The following LRTM1 variants were observed in gnomAD, a reference collection of about 807,000 sequenced individuals.
The protein encoded by LRTM1 is leucine rich repeat transmembrane protein 1, also known as leucine-rich repeat and transmembrane domain-containing protein 1.
LRTM1 carries 38 observed loss-of-function variants against 32.4 expected under a neutral mutation model. The ratio of observed to expected loss-of-function variants is 1.17; its 90% CI spans 0.91 to 1.54. The LOEUF (loss-of-function observed/expected upper bound fraction) is 1.54. Ranked by LOEUF, LRTM1 falls within the 40% of genes most tolerant of loss-of-function variation. The probability of loss-of-function intolerance (pLI) is 0.00; values close to 1 mark genes in which losing one functional copy is unlikely to be tolerated. For missense variants in LRTM1, 466 were observed against 415.4 expected (o/e 1.12, Z -1.06); for synonymous variants, 186 against 169.9 (o/e 1.09, Z -0.74).
At chr3:54,956,010 A>G (rs1397052422) in intron 1 of LRTM1, among the ~76,000 whole-genome samples, 2 of 152,152 alleles carry the variant, frequency 1.3e-5, no homozygotes, top group African/African-American at 4.8e-5. Flanking sequence ...AATGAGAGGG[A>G]AAAAAGTGCG....
intron 1 of LRTM1, among the ~76,000 whole-genome samples, chr3:54,936,851 A>T (rs753328354): frequency 6.6e-6 from 1 of 152,168 alleles, no homozygotes; most frequent in Admixed American, 6.5e-5. Flanking sequence ...AAGCTCCTTC[A>T]TGTGTTGTCA....
chr3:54,920,333 A>G (rs150377424), intron 2 of LRTM1, among the ~76,000 whole-genome samples: 362 of 152,306 alleles, frequency 2.4e-3, no homozygotes, highest in African/African-American at 8.3e-3. Flanking sequence ...AGGTGGCCCC[A>G]ACACACCAGG....
At position 54,918,313 on chromosome 3, in the gene LRTM1, A is replaced by G. The variant is rs1700713394; in HGVS notation, c.*146T>C. ...ATTCCTCCCCAGAAATATTTTTTAC[A>G]GACACATCTTTTTTTTTTCTTTTTT... On this transcript the variant is annotated 3_prime_UTR_variant, in exon 3 of 3. Transcript: ENST00000273286. The G allele has an allele frequency of 1.3e-6, 1 of 785,352 alleles. No homozygotes were observed. Among genetic ancestry groups the G allele is most frequent in the South Asian group, 1.9e-5 (1 of 51,548 alleles). The allele number at this position is 785,352 out of a possible 1,614,324, so 48.6% of individuals were successfully genotyped here. A position where few individuals can be genotyped will look rare whatever the true frequency, so the allele number is the denominator to read the frequency against.
rs1700767303 is a variant in LRTM1, at chr3:54,919,310, AAAAAT to A, written c.605-423_605-419del. 2.6e-5 allele frequency among the ~76,000 whole-genome samples: 4 copies of A among 152,344 alleles called. No homozygotes were observed. The South Asian group carries it at 8.3e-4, about 32-fold the overall frequency. ...CAGATTCCCATTGAAAATCTAAGGA[AAAAAT>A]AAAATAAATGTGCATTGTTGTGATG... is the stretch of plus-strand genomic sequence containing the variant. On this transcript the variant is annotated intron_variant, in intron 2 of 2. Transcript: ENST00000273286.
chr3:54,950,460 C>T (rs1319769094), intron 1 of LRTM1, among the ~76,000 whole-genome samples: 2 of 152,208 alleles, frequency 1.3e-5, no homozygotes, highest in East Asian at 1.9e-4. Context: ...CTTCCCTCTT[C>T]ATCTTGCAAG....
intron 1 of LRTM1, among the ~76,000 whole-genome samples, chr3:54,949,193 A>T (rs1701693317): frequency 6.6e-6 from 1 of 152,198 alleles, no homozygotes. Context: ...AGTTTTGGTC[A>T]GTGCCTATCA....
At chr3:54,939,683 G>A (rs1701414124) in intron 1 of LRTM1, among the ~76,000 whole-genome samples, 1 of 152,218 alleles carries the variant, frequency 6.6e-6, no homozygotes, top group African/African-American at 2.4e-5. Flanking sequence ...CATTTGTCAT[G>A]GCTGTTTCCC....
chr3:54,940,355 A>T (rs1157450828), intron 1 of LRTM1, among the ~76,000 whole-genome samples: 1 of 152,252 alleles, frequency 6.6e-6, no homozygotes, highest in Admixed American at 6.5e-5. Flanking sequence ...GTAGTATAGT[A>T]TACTTTGATG....
At chr3:54,961,644 G>C (rs1702031496) in intron 1 of LRTM1, among the ~76,000 whole-genome samples, 1 of 152,082 alleles carries the variant, frequency 6.6e-6, no homozygotes, top group Non-Finnish European at 1.5e-5. Flanking sequence ...GAGAAGTTTT[G>C]TGGGCAGGTG....
upstream of LRTM1, among the ~76,000 whole-genome samples, chr3:54,931,832 G>A (rs1037440159): frequency 1.3e-5 from 2 of 152,124 alleles, no homozygotes; most frequent in Non-Finnish European, 2.9e-5. Flanking sequence ...AATTGACAAT[G>A]TCTTGAAATC....
chr3:54,922,134 G>T (rs546503341), intron 2 of LRTM1, among the ~76,000 whole-genome samples: 1 of 152,044 alleles, frequency 6.6e-6, no homozygotes, highest in Non-Finnish European at 1.5e-5. Context: ...GTTGAAATGC[G>T]TCACAGAATC....
intron 1 of LRTM1, among the ~76,000 whole-genome samples, chr3:54,940,242 A>C (rs1020027108): frequency 3.9e-5 from 6 of 152,320 alleles, no homozygotes; most frequent in Admixed American, 3.3e-4. Context: ...AGCTCTTGGA[A>C]GACTGCAACT....
At chr3:54,931,124 T>C (rs1701178591), upstream of LRTM1, among the ~76,000 whole-genome samples, 1 of 152,098 alleles carries the variant, frequency 6.6e-6, no homozygotes, top group Admixed American at 6.5e-5. Context: ...AAGTGGCATC[T>C]CTTACTAGCA....
At chr3:54,923,234 T>A (rs1264693260) in intron 2 of LRTM1, among the ~76,000 whole-genome samples, 2 of 152,202 alleles carry the variant, frequency 1.3e-5, no homozygotes, top group Non-Finnish European at 2.9e-5. Context: ...TTCTGCATGA[T>A]CTGACCCCCA....
At chr3:54,934,452 A>G (rs1176398359) in intron 1 of LRTM1, among the ~76,000 whole-genome samples, 1 of 152,186 alleles carries the variant, frequency 6.6e-6, no homozygotes, top group African/African-American at 2.4e-5. Flanking sequence ...GGTTCAAGGA[A>G]TGCCTAGGAT....
At chr3:54,919,915 G>A (rs996723046) in intron 2 of LRTM1, among the ~76,000 whole-genome samples, 5 of 152,054 alleles carry the variant, frequency 3.3e-5, no homozygotes, top group African/African-American at 7.2e-5. Flanking sequence ...TCGCTGCCTC[G>A]CCACATCCTC....
intron 1 of LRTM1, among the ~76,000 whole-genome samples, chr3:54,937,993 C>T (rs1701372501): frequency 6.6e-6 from 1 of 152,220 alleles, no homozygotes; most frequent in African/African-American, 2.4e-5. Context: ...CTTGCTGTCC[C>T]TCAGTATGCT....
At position 54,955,648 on chromosome 3, in the gene LRTM1, T is replaced by C. The variant is rs1250985735; in HGVS notation, c.-222+11280A>G. 3.3e-5 allele frequency among the ~76,000 whole-genome samples: 5 copies of C among 152,010 alleles called. No individual in the cohort carries two copies. In the East Asian group the frequency reaches 9.7e-4, roughly 29 times the overall value. On this transcript the variant is annotated intron_variant, in intron 1 of 2. Transcript: ENST00000493075. ...TCATTCTTTGAGTCCCAACAGAATG[T>C]TGGTGGAATGGAGAAATGTGTAAAT...
At position 54,941,929 on chromosome 3, in the gene LRTM1, C is replaced by G. The variant is rs141234932; in HGVS notation, c.-221-16714G>C. ...CTGCTCACCATGGGATAAACTTCAA[C>G]CTCGTGAAATGGCAATGACAGCTGC... On this transcript the variant is annotated intron_variant, in intron 1 of 2. Coordinates refer to the LRTM1 transcript ENST00000493075. Among the ~76,000 whole-genome samples, 6 of 152,320 alleles carry G rather than the reference C, an allele frequency of 3.9e-5. No homozygotes were observed. The East Asian group carries it at 1.2e-3, about 29-fold the overall frequency.
Sources: allele counts gnomAD v4.1 joint callset (sites outside exome capture counted in the v4.1 genomes callset), GRCh38; gene constraint gnomAD v4.1.1; transcripts MANE v1.5; gene names NCBI Gene and HGNC (gene_info 2026-07-23, HGNC 2026-07-21).